The following ZNF24 variants were observed in gnomAD, a reference collection of about 807,000 sequenced individuals.
The protein encoded by ZNF24 is retinoic acid suppression protein A.
In ZNF24, 11 loss-of-function variants were observed where a neutral mutation model predicts 40.9. The ratio of observed to expected loss-of-function variants is 0.27; its 90% CI spans 0.17 to 0.45. ZNF24 has a LOEUF of 0.45. Among genes scored for constraint, ZNF24 ranks in the 20% least tolerant of loss-of-function variants. ZNF24 has a pLI of 1.00. For synonymous variants in ZNF24, 139 were observed against 154.7 expected (o/e 0.90, Z 0.75); for missense variants, 293 against 437.7 (o/e 0.67, Z 2.95).
intron 3 of ZNF24, chr18:35,338,139 A>T (rs2044929700): frequency 1.4e-5 from 14 of 979,226 alleles, no homozygotes; most frequent in Non-Finnish European, 1.7e-5. Flanking sequence ...AAATCATTAT[A>T]ATGTTCTTTT....
At chr18:35,343,912 C>G (rs1196510231) in intron 1 of ZNF24, 1 of 153,718 alleles carries the variant, frequency 6.5e-6, no homozygotes, top group Admixed American at 6.5e-5. Context: ...CACTCAGGAC[C>G]GCGGATTTCA....
Position 35,340,127 on chromosome 18 carries a change from G to A in ZNF24, c.420+104C>T, listed in dbSNP as rs879169624. The A allele has an allele frequency of 1.3e-6, 2 of 1,506,974 alleles. No homozygotes were observed. The highest frequency in any genetic ancestry group is 2.3e-5 in the East Asian group (1 of 43,914). 93.4% of individuals were successfully genotyped at this position (1,506,974 alleles called of 1,614,324 possible). ...GGAGTGGTAGGGGAATGGGGGAAAAGGCATAAACATAATTCTAACTTAGTT... is the reference window on the plus strand; with the variant it reads ...GGAGTGGTAGGGGAATGGGGGAAAAAGCATAAACATAATTCTAACTTAGTT... On this transcript the variant is annotated intron_variant, in intron 2 of 3. Transcript: ENST00000261332. This position sits in a 1 kb window ranked among gnomAD's most constrained non-coding sequence, Gnocchi z 4.6.
Position 35,338,948 on chromosome 18 carries a change from A to G in ZNF24, c.568+881T>C, listed in dbSNP as rs1323405357. On this transcript the variant is annotated intron_variant, in intron 3 of 3. Coordinates refer to ENST00000261332, the MANE Select transcript of ZNF24 (RefSeq NM_006965.4). ...GAAACATGTAAAACTGCAGATTTTC[A>G]GCAGACTTCAGCCCCACCCCAAAAG... The G allele has an allele frequency of 8.7e-6, 13 of 1,487,936 alleles. No homozygotes were observed. In the Admixed American group the frequency reaches 2.4e-4, roughly 27 times the overall value. The allele number at this position is 1,487,936 out of a possible 1,614,324, so 92.2% of individuals were successfully genotyped here. A position where few individuals can be genotyped will look rare whatever the true frequency, so the allele number is the denominator to read the frequency against.
In ZNF24 at chr18:35,334,755, TCACTA is replaced by T. The variant is rs2044889510; in HGVS notation, c.*2472_*2476del. 1 of 152,198 alleles carries T rather than the reference TCACTA, an allele frequency of 6.6e-6. No individual in the cohort carries two copies. Among genetic ancestry groups the T allele is most frequent in the Non-Finnish European group, 1.5e-5 (1 of 68,030 alleles). 9.4% of individuals were successfully genotyped at this position (152,198 alleles called of 1,614,324 possible). On this transcript the variant is annotated 3_prime_UTR_variant, in exon 4 of 4. Transcript: ENST00000261332. ...TGAATGTGTGGATGGAATTTAAAAA[TCACTA>T]CATAGTATTTAAAATCAATTTGTCT...
In ZNF24 at chr18:35,338,357, T is replaced by C. The variant is rs1212472194; in HGVS notation, c.569-587A>G. 13 of 985,288 alleles carry C rather than the reference T, an allele frequency of 1.3e-5. No homozygotes were observed. In the Admixed American group the frequency reaches 4.9e-4, roughly 37 times the overall value. The allele number at this position is 985,288 out of a possible 1,614,324, so 61.0% of individuals were successfully genotyped here. ...CCAAAGACATGACATAAAAATTCAG[T>C]ATGCCCCTAATAAATGAAAGTTTTC... On this transcript the variant is annotated intron_variant, in intron 3 of 3. Coordinates refer to ENST00000261332, the MANE Select transcript of ZNF24 (RefSeq NM_006965.4).
intron 3 of ZNF24, chr18:35,338,698 T>G: frequency 9.0e-7 from 1 of 1,112,758 alleles, no homozygotes; most frequent in Non-Finnish European, 1.1e-6. Context: ...TAGAGGAGGA[T>G]AGTGAGGCTT....
At chr18:35,341,253 G>A (rs1339199440) in intron 1 of ZNF24, among the ~76,000 whole-genome samples, 1 of 152,158 alleles carries the variant, frequency 6.6e-6, no homozygotes, top group Non-Finnish European at 1.5e-5. Context: ...GCTCCCATAA[G>A]ATTATAATGG....
At chr18:35,344,136 C>T (rs2044995098) in intron 1 of ZNF24, among the ~76,000 whole-genome samples, 1 of 152,100 alleles carries the variant, frequency 6.6e-6, no homozygotes, top group African/African-American at 2.4e-5. Flanking sequence ...TCTCGGAGGA[C>T]ACAGGGGGTT....
rs1323158517 is a variant in ZNF24, at chr18:35,337,266, T to C, written c.1073A>G (p.Asn358Ser). Residue 358 changes from asparagine (N) to serine (S), a missense_variant, in exon 4 of 4, where the codon AAT becomes AGT. Asn to Ser is a conservative substitution (Grantham distance 46). This residue lies in a region of ZNF24 where 59 missense variants were observed against 138.6 expected (regional missense o/e 0.43). Coordinates refer to ENST00000261332, the MANE Select transcript of ZNF24 (RefSeq NM_006965.4). ...SNLFRHQRRH[N>S]AEKLLNVVKV ...CACAACATTCAGAAGTTTTTCTGCA[T>C]TGTGTCTTCTCTGATGTCTAAAAAG... 1 of 1,495,704 alleles carries C rather than the reference T, an allele frequency of 6.7e-7. No individual in the cohort carries two copies. The highest frequency in any genetic ancestry group is 2.2e-5 in the Admixed American group (1 of 46,478). 92.7% of individuals were successfully genotyped at this position (1,495,704 alleles called of 1,614,324 possible). A position where few individuals can be genotyped will look rare whatever the true frequency, so the allele number is the denominator to read the frequency against.
Position 35,340,706 on chromosome 18 carries a change from C to A in ZNF24, c.-56G>T. 4.0e-6 allele frequency: 6 copies of A among 1,516,680 alleles called. No individual in the cohort carries two copies. Among genetic ancestry groups the A allele is most frequent in the Non-Finnish European group, 5.3e-6 (6 of 1,124,150 alleles). The allele number at this position is 1,516,680 out of a possible 1,614,324, so 94.0% of individuals were successfully genotyped here. A position where few individuals can be genotyped will look rare whatever the true frequency, so the allele number is the denominator to read the frequency against. ...CTGAGGCAGAATATAAGCCTCAGGGCAATACCCCGTTTTCTTCACAGGCAC... is the reference window on the plus strand; with the variant it reads ...CTGAGGCAGAATATAAGCCTCAGGGAAATACCCCGTTTTCTTCACAGGCAC... On this transcript the variant is annotated 5_prime_UTR_variant, in exon 2 of 4. Coordinates refer to ENST00000261332, the MANE Select transcript of ZNF24 (RefSeq NM_006965.4). This position sits in a 1 kb window ranked among gnomAD's most constrained non-coding sequence, Gnocchi z 4.6.
rs2044950809 is a variant in ZNF24 at position 35,339,927 on chromosome 18, G to A, written c.470C>T (p.Ser157Phe). 1 of 1,613,276 alleles carries A rather than the reference G, an allele frequency of 6.2e-7. No individual in the cohort carries two copies. Among genetic ancestry groups the A allele is most frequent in the Admixed American group, 1.7e-5 (1 of 59,972 alleles). The change falls in exon 3 of 4, where the codon TCT becomes TTT. Residue 157 changes from serine (S) to phenylalanine (F), a missense_variant. Ser to Phe is a radical substitution (Grantham distance 155). Around this residue, in one of 2 missense-constraint regions of ZNF24, gnomAD observed 234 missense variants for 299.2 expected, o/e 0.78. Coordinates refer to ENST00000261332, the MANE Select transcript of ZNF24 (RefSeq NM_006965.4). ...KREVLVEDMV[S>F]QEEAQGLPSS... is the part of the protein sequence containing the mutation. ...TGGTAATCCCTGAGCTTCTTCTTGA[G>A]ATACCATGTCTTCTACTAGTACTTC...
chr18:35,339,198 T>C, intron 3 of ZNF24: 1 of 640,316 alleles, frequency 1.6e-6, no homozygotes, highest in Non-Finnish European at 2.7e-6. Flanking sequence ...TAATGGCTAA[T>C]ATATTGGGAA....
At chr18:35,343,906 C>T (rs2044992245) in intron 1 of ZNF24, 1 of 154,306 alleles carries the variant, frequency 6.5e-6, no homozygotes, top group African/African-American at 2.4e-5. Flanking sequence ...TCCCAGCACT[C>T]AGGACCGCGG....
At chr18:35,338,338 A>C (rs78112764) in intron 3 of ZNF24, 1 of 985,402 alleles carries the variant, frequency 1.0e-6, no homozygotes, top group Non-Finnish European at 1.2e-6. Context: ...TTAACCAAAG[A>C]CATGACATAA....
At chr18:35,343,741 T>C (rs2044990250) in intron 1 of ZNF24, 1 of 152,320 alleles carries the variant, frequency 6.6e-6, no homozygotes, top group South Asian at 2.1e-4. Context: ...CTGTAGAGCA[T>C]ACCGCTTGTG....
chr18:35,339,037 T>A, intron 3 of ZNF24: 1 of 1,536,076 alleles, frequency 6.5e-7, no homozygotes, highest in South Asian at 1.2e-5. Flanking sequence ...TTCAGTGGCA[T>A]ACCAGCACCA....
Position 35,337,376 on chromosome 18 carries a change from C to T in ZNF24, c.963G>A (p.Gly321=), listed in dbSNP as rs1284625732. 6.2e-7 allele frequency: 1 copy of T among 1,614,002 alleles called. No homozygotes were observed. Among genetic ancestry groups the T allele is most frequent in the Non-Finnish European group, 8.5e-7 (1 of 1,179,950 alleles). ...ECGKAFSQNS[G]LINHQRIHTG... is the part of the protein sequence containing the mutation. Reference sequence around the variant, plus strand: ...TATGGATTCTCTGATGATTAATAAGCCCCGAATTCTGGCTAAAGGCTTTCC... The same window carrying T: ...TATGGATTCTCTGATGATTAATAAGTCCCGAATTCTGGCTAAAGGCTTTCC... The change falls in exon 4 of 4, where the codon GGG becomes GGA. Residue 321 remains glycine, a synonymous_variant. Transcript: ENST00000261332.
chr18:35,340,909 T>G lies in ZNF24; in HGVS notation c.-83-176A>C, dbSNP rs1279592230. ...CCAAATCTAGCCTGCCACCCATTTC[T>G]GTACAACACTTGCACCAACAATAAT... On this transcript the variant is annotated intron_variant, in intron 1 of 3. Coordinates refer to ENST00000261332, the MANE Select transcript of ZNF24 (RefSeq NM_006965.4). This position sits in a 1 kb window ranked among gnomAD's most constrained non-coding sequence, Gnocchi z 4.6. Among the ~76,000 whole-genome samples, 1 of 152,244 alleles carries G rather than the reference T, an allele frequency of 6.6e-6. No individual in the cohort carries two copies. Among genetic ancestry groups the G allele is most frequent in the African/African-American group, 2.4e-5 (1 of 41,466 alleles).
Position 35,337,220 on chromosome 18 carries a change from T to G in ZNF24, c.*12A>C. On this transcript the variant is annotated 3_prime_UTR_variant, in exon 4 of 4. Coordinates refer to ENST00000261332, the MANE Select transcript of ZNF24 (RefSeq NM_006965.4). ...AGACCTGAGTGCTGATTCTTTTTTT[T>G]TTTTCAATTTCTTAAACTTTCACAA... 1.4e-6 allele frequency: 2 copies of G among 1,431,182 alleles called. No individual in the cohort carries two copies. The highest frequency in any genetic ancestry group is 1.8e-6 in the Non-Finnish European group (2 of 1,085,236). 88.7% of individuals were successfully genotyped at this position (1,431,182 alleles called of 1,614,324 possible). A position where few individuals can be genotyped will look rare whatever the true frequency, so the allele number is the denominator to read the frequency against.
Sources: allele counts gnomAD v4.1 joint callset (sites outside exome capture counted in the v4.1 genomes callset), GRCh38; gene constraint gnomAD v4.1.1; regional missense constraint gnomAD v4.1.1; non-coding constraint Gnocchi (gnomAD v3.1); transcripts MANE v1.5; gene names NCBI Gene and HGNC (gene_info 2026-07-23, HGNC 2026-07-21).